TMEM126B: variants seen among roughly 807,000 people sequenced by gnomAD.
The protein encoded by TMEM126B is transmembrane protein 126B.
TMEM126B carries 19 observed loss-of-function variants against 16.5 expected under a neutral mutation model. The ratio of observed to expected loss-of-function variants is 1.15; its 90% CI spans 0.80 to 1.69. TMEM126B has a LOEUF of 1.69. Ranked by LOEUF, TMEM126B falls within the 40% of genes most tolerant of loss-of-function variation. TMEM126B has a pLI of 0.00. For missense variants in TMEM126B, 293 were observed against 278.7 expected, an observed-to-expected ratio of 1.05 and a Z score of -0.37; for synonymous variants, 104 against 93.2, an observed-to-expected ratio of 1.12 and a Z score of -0.67.
intron 1 of TMEM126B, chr11:85,629,400 G>A: frequency 2.1e-6 from 1 of 486,640 alleles, no homozygotes; most frequent in Non-Finnish European, 3.5e-6. Context: ...GTGACTAGTT[G>A]AGTGGCCTTA....
chr11:85,629,610 T>C (rs1042658720), intron 1 of TMEM126B, among the ~76,000 whole-genome samples: 2 of 152,222 alleles, frequency 1.3e-5, no homozygotes, highest in African/African-American at 4.8e-5. Context: ...CCTGGAAGTT[T>C]GTTTTGTTTT....
Position 85,636,204 on chromosome 11 carries a change from T to C in TMEM126B, c.668T>C (p.Leu223Pro), listed in dbSNP as rs764011084. Residue 223 changes from leucine (L) to proline (P), a missense_variant, in exon 5 of 5, where the codon CTT becomes CCT. Leu to Pro is a moderately conservative substitution (Grantham distance 98). Coordinates refer to ENST00000358867, the MANE Select transcript of TMEM126B (RefSeq NM_018480.7). ...LYHYAVFEET[L>P]EKTIHEE is the part of the protein sequence containing the mutation. The stretch of plus-strand genomic sequence containing the variant: ...CATTATGCAGTATTTGAAGAGACAC[T>C]TGAGAAAACTATACATGAAGAGTAA... 1.3e-6 allele frequency: 2 copies of C among 1,545,212 alleles called. No homozygotes were observed. Among genetic ancestry groups the C allele is most frequent in the South Asian group, 2.5e-5 (2 of 80,136 alleles).
chr11:85,635,821 C>CTTTTTTTTTTTTTTTTTTTTTTT (rs58671332), intron 4 of TMEM126B, 43 bp downstream of exon 4: 31 of 869,690 alleles, frequency 3.6e-5, no homozygotes, highest in South Asian at 2.0e-4. Context: ...CTTTTCTTTT[C>CTTTTTTTTTTTTTTTTTTTTTTT]TTTTTTTTTT....
intron 2 of TMEM126B, among the ~76,000 whole-genome samples, chr11:85,633,145 T>G (rs890462512): frequency 5.3e-5 from 8 of 152,236 alleles, no homozygotes; most frequent in Admixed American, 1.3e-4. Flanking sequence ...TCATTTTTTA[T>G]GGCTGCATAG....
At position 85,634,332 on chromosome 11, in the gene TMEM126B, TATTAAC is replaced by T. The variant is rs1176912572; in HGVS notation, c.397+56_397+61del. The T allele has an allele frequency of 2.3e-6, 3 of 1,310,828 alleles. No individual in the cohort carries two copies. In the South Asian group the frequency reaches 3.8e-5, roughly 17 times the overall value. The allele number at this position is 1,310,828 out of a possible 1,614,324, so 81.2% of individuals were successfully genotyped here. On this transcript the variant is annotated intron_variant, in intron 3 of 4. Coordinates refer to ENST00000358867, the MANE Select transcript of TMEM126B (RefSeq NM_018480.7). ...GTAGTTATGTCTAAGTAAAGTTACTTATTAACATATACTGTTGCTACTGCTAATAAT... is the reference window on the plus strand; with the variant it reads ...GTAGTTATGTCTAAGTAAAGTTACTTATATACTGTTGCTACTGCTAATAAT...
At chr11:85,634,007 C>A in intron 2 of TMEM126B, 79 bp from the exon 3 acceptor site, 2 of 926,036 alleles carry the variant, frequency 2.2e-6, no homozygotes, top group Non-Finnish European at 3.3e-6. Flanking sequence ...TATTGATATG[C>A]AATAACAACT....
At chr11:85,632,186 C>A in intron 2 of TMEM126B, among the ~76,000 whole-genome samples, 1 of 152,108 alleles carries the variant, frequency 6.6e-6, no homozygotes, top group Non-Finnish European at 1.5e-5. Context: ...AGCCACAGTA[C>A]TTAGTACAGC....
At position 85,636,391 on chromosome 11, in the gene TMEM126B, T is replaced by C. The variant is rs2082405714; in HGVS notation, c.*162T>C. On this transcript the variant is annotated 3_prime_UTR_variant, in exon 5 of 5. Coordinates refer to ENST00000358867, the MANE Select transcript of TMEM126B (RefSeq NM_018480.7). ...AAAAAGTATTCAATAATTCAATCAA[T>C]AAATATAAGTTTCATCTTACACGTA... 4.5e-6 allele frequency: 2 copies of C among 445,996 alleles called. No individual in the cohort carries two copies. Among genetic ancestry groups the C allele is most frequent in the African/African-American group, 2.0e-5 (1 of 50,470 alleles). The allele number at this position is 445,996 out of a possible 1,614,324, so 27.6% of individuals were successfully genotyped here.
chr11:85,634,372 AC>A lies in TMEM126B; in HGVS notation c.397+94del, dbSNP rs1304124392. The A allele has an allele frequency of 6.4e-5, 57 of 892,778 alleles. No homozygotes were observed. In the East Asian group the frequency reaches 1.5e-3, roughly 23 times the overall value. The allele number at this position is 892,778 out of a possible 1,614,324, so 55.3% of individuals were successfully genotyped here. A position where few individuals can be genotyped will look rare whatever the true frequency, so the allele number is the denominator to read the frequency against. ...TTGCTACTGCTAATAATAATTCTTT[AC>A]ATTTATATATTGCTATACAGTTTAC... On this transcript the variant is annotated intron_variant, in intron 3 of 4. Coordinates refer to ENST00000358867, the MANE Select transcript of TMEM126B (RefSeq NM_018480.7).
At chr11:85,629,193 A>T (rs1448171284) in intron 1 of TMEM126B, 6 of 1,287,226 alleles carry the variant, frequency 4.7e-6, no homozygotes, top group Non-Finnish European at 6.1e-6. Context: ...CTGTATCTTG[A>T]TTACCCGGAG....
In TMEM126B at chr11:85,628,600, C is replaced by T. The variant is rs1565786485; in HGVS notation, c.-8C>T. ...CCCGCCCACCGGCAAGTCACATGAG[C>T]CACCAAAATGGTGGTGTTCGGGTAT... On this transcript the variant is annotated 5_prime_UTR_variant, in exon 1 of 5. Coordinates refer to ENST00000358867, the MANE Select transcript of TMEM126B (RefSeq NM_018480.7). 6.5e-7 allele frequency: 1 copy of T among 1,527,634 alleles called. No homozygotes were observed. The highest frequency in any genetic ancestry group is 2.0e-5 in the Admixed American group (1 of 50,370). 94.6% of individuals were successfully genotyped at this position (1,527,634 alleles called of 1,614,324 possible). A position where few individuals can be genotyped will look rare whatever the true frequency, so the allele number is the denominator to read the frequency against.
At chr11:85,629,760 G>T (rs555610518) in intron 1 of TMEM126B, among the ~76,000 whole-genome samples, 1 of 152,318 alleles carries the variant, frequency 6.6e-6, no homozygotes, top group South Asian at 2.1e-4. Flanking sequence ...GTTAGGTATA[G>T]AATCTCCCTT....
rs1176058077 is a variant in TMEM126B, at chr11:85,636,179, CAT to C, written c.644_645del (p.His215LeufsTer5). 6.3e-7 allele frequency: 1 copy of C among 1,594,626 alleles called. No individual in the cohort carries two copies. The highest frequency in any genetic ancestry group is 1.1e-5 in the South Asian group (1 of 87,358). ...IMFGILNGLY[H>X]YAVFEETLEK... ...GTTTGGAATATTAAATGGTCTATAC[CAT>C]TATGCAGTATTTGAAGAGACACTTG... On this transcript the variant is annotated frameshift_variant, in exon 5 of 5. Transcript: ENST00000358867. LOFTEE classifies it low-confidence loss of function (END_TRUNC).
chr11:85,631,736 A>T lies in TMEM126B; in HGVS notation c.131A>T (p.Glu44Val), dbSNP rs2082301045. The T allele has an allele frequency of 6.2e-7, 1 of 1,613,556 alleles. No individual in the cohort carries two copies. Among genetic ancestry groups the T allele is most frequent in the African/African-American group, 1.3e-5 (1 of 74,986 alleles). The change falls in exon 2 of 5, where the codon GAA becomes GTA. Residue 44 changes from glutamate (E) to valine (V), a missense_variant. Coordinates refer to ENST00000358867, the MANE Select transcript of TMEM126B (RefSeq NM_018480.7). ...SMHGQPSPSL[E>V]DAKLRRPMVI... is the part of the protein sequence containing the mutation. ...CATGGTCAGCCCAGTCCTTCTCTAG[A>T]AGATGCAAAACTCAGAAGACCAATG...
intron 1 of TMEM126B, chr11:85,629,170 G>C (rs1431024104): frequency 8.0e-7 from 1 of 1,245,772 alleles, no homozygotes; most frequent in Non-Finnish European, 1.1e-6. Flanking sequence ...GTGGATTCCT[G>C]AGGATGGGAT....
chr11:85,631,826 G>T lies in TMEM126B; in HGVS notation c.203+18G>T. 1 of 1,581,988 alleles carries T rather than the reference G, an allele frequency of 6.3e-7. No homozygotes were observed. Among genetic ancestry groups the T allele is most frequent in the South Asian group, 1.1e-5 (1 of 87,134 alleles). ...AAAGAAATGTAAGAGAAATGCCCAG[G>T]CTGAAAATCAGTCATTTTATTTGCA... is the stretch of plus-strand genomic sequence containing the variant. On this transcript the variant is annotated intron_variant, in intron 2 of 4. Transcript: ENST00000358867.
chr11:85,631,057 T>C (rs1045615063), intron 1 of TMEM126B: 2 of 1,015,118 alleles, frequency 2.0e-6, no homozygotes, highest in African/African-American at 1.7e-5. Flanking sequence ...ATCCACTGCC[T>C]GTTCCCTTCC....
rs2082301394 is a variant in TMEM126B, at chr11:85,631,750, A to G, written c.145A>G (p.Arg49Gly). 1.2e-6 allele frequency: 2 copies of G among 1,613,506 alleles called. No individual in the cohort carries two copies. The highest frequency in any genetic ancestry group is 1.1e-5 in the South Asian group (1 of 91,006). ...PSPSLEDAKLRRPMVIEIIEK... is the reference protein window; with the variant it reads ...PSPSLEDAKLGRPMVIEIIEK... ...TCCTTCTCTAGAAGATGCAAAACTC[A>G]GAAGACCAATGGTCATAGAAATCAT... Residue 49 changes from arginine to glycine, a missense_variant, in exon 2 of 5, where the codon AGA becomes GGA. Arg to Gly is a moderately radical substitution (Grantham distance 125). Transcript: ENST00000358867.
Position 85,634,134 on chromosome 11 carries a change from C to A in TMEM126B, c.252C>A (p.Phe84Leu). 6.2e-7 allele frequency: 1 copy of A among 1,613,706 alleles called. No homozygotes were observed. The highest frequency in any genetic ancestry group is 8.5e-7 in the Non-Finnish European group (1 of 1,179,890). The change falls in exon 3 of 5, where the codon TTC (phenylalanine) becomes TTA (leucine). Residue 84 changes from phenylalanine (F) to leucine (L), a missense_variant. Transcript: ENST00000358867. ...QMATFGTTAGFSGIFSNFLFR... is the reference protein window; with the variant it reads ...QMATFGTTAGLSGIFSNFLFR... ...CGACATTTGGAACAACAGCTGGTTT[C>A]TCTGGAATATTCTCAAACTTCCTGT...
Sources: allele counts gnomAD v4.1 joint callset (sites outside exome capture counted in the v4.1 genomes callset), GRCh38; gene constraint gnomAD v4.1.1; transcripts MANE v1.5; gene names NCBI Gene and HGNC (gene_info 2026-07-23, HGNC 2026-07-21).